Variants in MPP3 observed in about 807,000 individuals in gnomAD.
MPP3 encodes the protein MAGUK p55 scaffold protein 3.
A neutral mutation model predicts 80.7 loss-of-function variants in MPP3; 48 were observed. The ratio of observed to expected loss-of-function variants is 0.59; its 90% CI spans 0.47 to 0.76. The LOEUF (loss-of-function observed/expected upper bound fraction) is 0.76, where lower values mean the gene tolerates loss of function less well. Ranked by LOEUF, MPP3 falls within the 30% of genes least tolerant of loss-of-function variation. MPP3 has a pLI of 0.00. For missense variants in MPP3, 620 were observed against 763.0 expected, an observed-to-expected ratio of 0.81 and a Z score of 2.21; for synonymous variants, 311 against 297.6, an observed-to-expected ratio of 1.04 and a Z score of -0.46.
At chr17:43,814,418 C>T in intron 14 of MPP3, 57 bp from the exon 15 acceptor site, 2 of 1,525,570 alleles carry the variant, frequency 1.3e-6, no homozygotes, top group Non-Finnish European at 1.8e-6. Flanking sequence ...CCCAGGATCT[C>T]CCAGTAGAGA....
At chr17:43,829,071 C>T (rs148657421) in intron 7 of MPP3, among the ~76,000 whole-genome samples, 6 of 152,340 alleles carry the variant, frequency 3.9e-5, no homozygotes, top group African/African-American at 9.6e-5. Context: ...TCATAAACAA[C>T]GCTGTCCCTT....
At chr17:43,815,315 G>A (rs894848468) in intron 14 of MPP3, among the ~76,000 whole-genome samples, 1 of 152,138 alleles carries the variant, frequency 6.6e-6, no homozygotes, top group African/African-American at 2.4e-5. Flanking sequence ...GTGGGTAACA[G>A]AGCAAGACCA....
chr17:43,821,525 A>G (rs1414730068), intron 10 of MPP3, among the ~76,000 whole-genome samples: 1 of 152,152 alleles, frequency 6.6e-6, no homozygotes, highest in Non-Finnish European at 1.5e-5. Flanking sequence ...TATCAACAAA[A>G]CTACTGTTAC....
At position 43,831,100 on chromosome 17, in the gene MPP3, G is replaced by A. The variant is rs1051912055; in HGVS notation, c.222+144C>T. The A allele has an allele frequency of 1.9e-5, 14 of 724,698 alleles. No homozygotes were observed. In the African/African-American group the frequency reaches 1.9e-4, roughly 10 times the overall value. The allele number at this position is 724,698 out of a possible 1,614,324, so 44.9% of individuals were successfully genotyped here. A position where few individuals can be genotyped will look rare whatever the true frequency, so the allele number is the denominator to read the frequency against. ...GGGGAACCCAGAGAGAGGAAGAGAA[G>A]GAGGAGGACAAGGGAAGAAAACACC... is the stretch of plus-strand genomic sequence containing the variant. On this transcript the variant is annotated intron_variant, in intron 5 of 19. Transcript: ENST00000398389.
chr17:43,808,933 G>T, intron 19 of MPP3, 23 bp downstream of exon 19: 2 of 1,583,622 alleles, frequency 1.3e-6, no homozygotes, highest in Non-Finnish European at 1.7e-6. Context: ...CTTCAGAAAA[G>T]AAACAATCAA....
At chr17:43,803,078 A>G (rs979861761) in intron 19 of MPP3, among the ~76,000 whole-genome samples, 3 of 152,170 alleles carry the variant, frequency 2.0e-5, no homozygotes, top group African/African-American at 7.2e-5. Context: ...TCAATTCTAT[A>G]TTCTATATAG....
At chr17:43,807,276 C>G (rs1201790455) in intron 19 of MPP3, among the ~76,000 whole-genome samples, 1 of 151,266 alleles carries the variant, frequency 6.6e-6, no homozygotes, top group African/African-American at 2.4e-5. Flanking sequence ...CCAGCCTCCC[C>G]CTTAGAGTTT....
Position 43,830,019 on chromosome 17 carries a change from G to A in MPP3, c.303+8C>T. On this transcript the variant is annotated splice_region_variant and intron_variant, in intron 6 of 19. Transcript: ENST00000398389. Reference sequence around the variant, plus strand: ...AGGCATGGCTGGGCAGGGGCTCTGTGTGACTACCCTCAGGTGCGGGGTGGA... The same window carrying A: ...AGGCATGGCTGGGCAGGGGCTCTGTATGACTACCCTCAGGTGCGGGGTGGA... 1 of 1,605,714 alleles carries A rather than the reference G, an allele frequency of 6.2e-7. No individual in the cohort carries two copies.
rs968936732 is a variant in MPP3 at position 43,827,850 on chromosome 17, G to A, written c.442-18C>T. ...GTGGCACCCTGAACCCGAGACAGAA[G>A]AGACAGGTTCTTAAGCAGCAGCTCC... On this transcript the variant is annotated intron_variant, in intron 7 of 19. Transcript: ENST00000398389. 1.2e-6 allele frequency: 2 copies of A among 1,612,494 alleles called. No homozygotes were observed. Among genetic ancestry groups the A allele is most frequent in the Middle Eastern group, 1.6e-4 (1 of 6,062 alleles).
chr17:43,820,090 T>A (rs2045348928), intron 11 of MPP3, among the ~76,000 whole-genome samples: 2 of 152,050 alleles, frequency 1.3e-5, no homozygotes, highest in Admixed American at 1.3e-4. Flanking sequence ...GGACTACAGG[T>A]GTGTGCAACC....
chr17:43,825,443 G>C (rs964597483), intron 9 of MPP3: 3 of 276,692 alleles, frequency 1.1e-5, no homozygotes, highest in African/African-American at 2.2e-5. Context: ...TGCACAGCTG[G>C]AAGGAGGCAG....
At chr17:43,831,008 G>A (rs763870912) in intron 5 of MPP3, among the ~76,000 whole-genome samples, 4 of 152,244 alleles carry the variant, frequency 2.6e-5, no homozygotes, top group Non-Finnish European at 4.4e-5. Context: ...CACACAGTAA[G>A]TGGGCAGCTC....
At chr17:43,828,961 G>A (rs1049780408) in intron 7 of MPP3, among the ~76,000 whole-genome samples, 10 of 152,196 alleles carry the variant, frequency 6.6e-5, no homozygotes, top group Non-Finnish European at 1.2e-4. Context: ...GAAGAGGCTC[G>A]TCGGAGGTCA....
Position 43,821,025 on chromosome 17 carries a change from G to A in MPP3, c.718C>T (p.Arg240Trp), listed in dbSNP as rs763951297. Residue 240 changes from arginine (R) to tryptophan (W), a missense_variant, in exon 11 of 20, where the codon CGG becomes TGG. Transcript: ENST00000398389. ...TGGCAAGGGATGGCCCGGTCCTCCC[G>A]AGGGTTGTAGTGGAAGAGGGCGCGC... ...FMRALFHYNP[R>W]EDRAIPCQEA... 1.5e-5 allele frequency: 25 copies of A among 1,613,860 alleles called. No homozygotes were observed. The highest frequency in any genetic ancestry group is 6.7e-5 in the African/African-American group (5 of 74,938).
chr17:43,823,596 CAATT>C (rs956236120), intron 10 of MPP3, among the ~76,000 whole-genome samples: 4 of 152,238 alleles, frequency 2.6e-5, no homozygotes, highest in Non-Finnish European at 5.9e-5. Context: ...GGCTCAGCAA[CAATT>C]AAACAAATGG....
chr17:43,823,822 G>GC, intron 10 of MPP3, 109 bp downstream of exon 10: 2 of 751,462 alleles, frequency 2.7e-6, no homozygotes, highest in Non-Finnish European at 4.5e-6. Flanking sequence ...TCAGATCTAT[G>GC]ATCTGTTCGC....
intron 19 of MPP3, among the ~76,000 whole-genome samples, chr17:43,804,714 T>C (rs1049702493): frequency 6.6e-6 from 1 of 152,188 alleles, no homozygotes; most frequent in Non-Finnish European, 1.5e-5. Context: ...TTTTAAAATG[T>C]TATGCCTCAA....
chr17:43,811,012 C>T (rs2044831100), intron 17 of MPP3, 97 bp from the exon 18 acceptor site: 21 of 1,428,656 alleles, frequency 1.5e-5, no homozygotes, highest in Non-Finnish European at 2.1e-5. Context: ...TCTCCCGCTT[C>T]CCCCATCCTT....
chr17:43,830,957 A>G (rs1385894820), intron 5 of MPP3, among the ~76,000 whole-genome samples: 5 of 152,158 alleles, frequency 3.3e-5, no homozygotes, highest in African/African-American at 4.8e-5. Context: ...AGCCAATCCA[A>G]TGCTCTCATT....
Sources: allele counts gnomAD v4.1 joint callset (sites outside exome capture counted in the v4.1 genomes callset), GRCh38; gene constraint gnomAD v4.1.1; transcripts MANE v1.5; gene names NCBI Gene and HGNC (gene_info 2026-07-23, HGNC 2026-07-21).